The following MACF1 variants were observed in gnomAD, a reference collection of about 807,000 sequenced individuals.
MACF1 encodes the protein microtubule actin crosslinking factor 1, also known as microtubule-actin cross-linking factor 1.
In MACF1, 193 loss-of-function variants were observed where a neutral mutation model predicts 854.8. The observed-to-expected ratio is 0.23, with a 90% CI of 0.20 to 0.25. The LOEUF (loss-of-function observed/expected upper bound fraction) is 0.25. MACF1 is among the 10% of genes least tolerant of loss of function. The pLI is 1.00. For synonymous variants in MACF1, 3,185 were observed against 3,226.7 expected (o/e 0.99, Z 0.44); for missense variants, 7,722 against 8,929.1 (o/e 0.86, Z 5.45).
intron 97 of MACF1, among the ~76,000 whole-genome samples, chr1:39,479,300 A>T (rs897859278): frequency 6.6e-6 from 1 of 151,782 alleles, no homozygotes; most frequent in African/African-American, 2.4e-5. Context: ...GAGTTCCTGG[A>T]CTCCTTTCTT....
At chr1:39,150,348 G>C (rs1335134123) in intron 2 of MACF1, among the ~76,000 whole-genome samples, 2 of 152,080 alleles carry the variant, frequency 1.3e-5, no homozygotes, top group African/African-American at 4.8e-5. Context: ...CACATTACTA[G>C]TTCTGTATTT....
intron 40 of MACF1, among the ~76,000 whole-genome samples, chr1:39,345,763 G>A (rs1176229133): frequency 3.9e-5 from 6 of 152,050 alleles, no homozygotes; most frequent in African/African-American, 1.4e-4. Context: ...GTTATACTTT[G>A]CAAAACTTTT....
chr1:39,121,592 G>A (rs533756944), intron 2 of MACF1, among the ~76,000 whole-genome samples: 3 of 152,092 alleles, frequency 2.0e-5, no homozygotes, highest in Non-Finnish European at 2.9e-5. Flanking sequence ...GGGACTAGGC[G>A]CGTGCCACCA....
In MACF1 at chr1:39,283,591, A is replaced by C; in HGVS notation, c.915+76A>C. On this transcript the variant is annotated intron_variant, in intron 9 of 100. Coordinates refer to ENST00000564288, the MANE Select transcript of MACF1 (RefSeq NM_001394062.1). The surrounding 1 kb of genome is among the most constrained non-coding windows in gnomAD (Gnocchi z 4.5). ...AAATGCATTGGTTAGACACTTTCTTAAGCACTTATGGTATACTCATGGTAT... is the reference window on the plus strand; with the variant it reads ...AAATGCATTGGTTAGACACTTTCTTCAGCACTTATGGTATACTCATGGTAT... 9.8e-7 allele frequency: 1 copy of C among 1,022,656 alleles called. No homozygotes were observed. 63.3% of individuals were successfully genotyped at this position (1,022,656 alleles called of 1,614,324 possible).
intron 20 of MACF1, among the ~76,000 whole-genome samples, chr1:39,297,317 C>T (rs535456928): frequency 6.6e-6 from 1 of 152,212 alleles, no homozygotes; most frequent in Non-Finnish European, 1.5e-5. Flanking sequence ...ATGAAATACA[C>T]CCCACAGCCA....
At chr1:39,482,219 G>T (rs116389577) in intron 99 of MACF1, among the ~76,000 whole-genome samples, 2,133 of 152,268 alleles carry the variant, frequency 0.014, 55 homozygotes, top group African/African-American at 0.049. Context: ...TCTAGCCCGG[G>T]TTCTAGCTGT....
chr1:39,474,568 C>T (rs1006146325), intron 97 of MACF1, among the ~76,000 whole-genome samples: 1 of 152,040 alleles, frequency 6.6e-6, no homozygotes, highest in Non-Finnish European at 1.5e-5. Context: ...GTGGTGTACA[C>T]ATGTAACCCC....
chr1:39,189,174 G>A (rs1644215508), intron 2 of MACF1, among the ~76,000 whole-genome samples: 1 of 152,182 alleles, frequency 6.6e-6, no homozygotes, highest in South Asian at 2.1e-4. Context: ...AGTCTTCAGA[G>A]GTTCCTGGTG....
intron 23 of MACF1, among the ~76,000 whole-genome samples, chr1:39,306,505 G>A (rs1392414774): frequency 2.0e-5 from 3 of 151,450 alleles, no homozygotes; most frequent in African/African-American, 7.3e-5. Flanking sequence ...TTGCTTAGTT[G>A]TCTCCAAACT....
At position 39,287,548 on chromosome 1, in the gene MACF1, G is replaced by T. The variant is rs1278230526; in HGVS notation, c.1771G>T (p.Val591Leu). Reference sequence around the variant, plus strand: ...ATTTGTGTATGAACTACTGTCTTGGGTAGAAGAGATGCAGGTGGGTGCATA... The same window carrying T: ...ATTTGTGTATGAACTACTGTCTTGGTTAGAAGAGATGCAGGTGGGTGCATA... ...LRFVYELLSW[V>L]EEMQMKLERA... The change falls in exon 15 of 101, where the codon GTA becomes TTA. Residue 591 changes from valine (V) to leucine (L), a missense_variant. Around this residue, in one of 15 missense-constraint regions of MACF1, gnomAD observed 1,137 missense variants for 1,263.0 expected, o/e 0.90. Coordinates refer to ENST00000564288, the MANE Select transcript of MACF1 (RefSeq NM_001394062.1). The T allele has an allele frequency of 6.2e-7, 1 of 1,614,248 alleles. No homozygotes were observed. Among genetic ancestry groups the T allele is most frequent in the Non-Finnish European group, 8.5e-7 (1 of 1,180,038 alleles).
chr1:39,267,057 ACTT>A (rs757384824), intron 6 of MACF1, among the ~76,000 whole-genome samples: 1 of 152,154 alleles, frequency 6.6e-6, no homozygotes, highest in African/African-American at 2.4e-5. Context: ...CAGTGGGGGA[ACTT>A]CTTATTTTAC....
intron 1 of MACF1, among the ~76,000 whole-genome samples, chr1:39,228,167 G>A (rs183470664): frequency 1.3e-5 from 2 of 152,166 alleles, no homozygotes; most frequent in Non-Finnish European, 1.5e-5. Flanking sequence ...AAAATTAGCC[G>A]GACGTGGTGG....
At chr1:39,227,325 C>T (rs1418206469) in intron 1 of MACF1, among the ~76,000 whole-genome samples, 2 of 152,216 alleles carry the variant, frequency 1.3e-5, no homozygotes, top group South Asian at 2.1e-4. Context: ...CAATTGAGAA[C>T]GCTCTCCGGT....
chr1:39,274,506 T>C (rs969460298), intron 6 of MACF1, among the ~76,000 whole-genome samples: 3 of 152,214 alleles, frequency 2.0e-5, no homozygotes, highest in Non-Finnish European at 2.9e-5. Context: ...TTAGGAATTA[T>C]AAGTAATCTA....
intron 58 of MACF1, among the ~76,000 whole-genome samples, chr1:39,392,186 T>C (rs959867355): frequency 2.0e-5 from 3 of 152,192 alleles, no homozygotes; most frequent in Admixed American, 2.0e-4. Context: ...GGGAGGAGCA[T>C]ATTCTTGGCT....
At position 39,411,606 on chromosome 1, in the gene MACF1, A is replaced by C. The variant is rs756114104; in HGVS notation, c.15817-10768A>C. On this transcript the variant is annotated intron_variant, in intron 58 of 100. Transcript: ENST00000564288. ...TAGAGGGACTTGTTTCAGATTCAGC[A>C]TGTACTGTGGGTACTATTGATGCAG... 3.1e-6 allele frequency: 5 copies of C among 1,613,816 alleles called. No individual in the cohort carries two copies. The African/African-American group carries it at 4.0e-5, about 13-fold the overall frequency.
At chr1:39,396,919 GT>G (rs1162026686) in intron 58 of MACF1, among the ~76,000 whole-genome samples, 3 of 152,138 alleles carry the variant, frequency 2.0e-5, no homozygotes, top group Non-Finnish European at 4.4e-5. Context: ...CCACCACTAA[GT>G]GCTTTTCAAC....
At chr1:39,195,237 T>C (rs1428174920) in intron 2 of MACF1, among the ~76,000 whole-genome samples, 1 of 152,212 alleles carries the variant, frequency 6.6e-6, no homozygotes, top group African/African-American at 2.4e-5. Flanking sequence ...TTCTCGGTTG[T>C]ATGTTTTTGT....
intron 2 of MACF1, among the ~76,000 whole-genome samples, chr1:39,117,632 C>T (rs1642582290): frequency 1.3e-5 from 2 of 151,836 alleles, no homozygotes; most frequent in Non-Finnish European, 2.9e-5. Context: ...GGGCATGCCC[C>T]TTTGTGTATA....
Sources: gnomAD v4.1 joint callset for allele counts (sites outside exome capture counted in the v4.1 genomes callset) on GRCh38, gnomAD v4.1.1 for gene constraint, gnomAD v4.1.1 regional missense constraint, Gnocchi (gnomAD v3.1) non-coding constraint, MANE v1.5 for transcripts, NCBI Gene and HGNC (gene_info 2026-07-23, HGNC 2026-07-21) for gene names.